The following CNNM3 variants were observed in gnomAD, a reference collection of about 807,000 sequenced individuals.
The protein encoded by CNNM3 is cyclin and CBS domain divalent metal cation transport mediator 3, also known as metal transporter CNNM3.
A neutral mutation model predicts 57.1 loss-of-function variants in CNNM3; 47 were observed. The ratio of observed to expected loss-of-function variants is 0.82; its 90% confidence interval spans 0.65 to 1.05. CNNM3 has a LOEUF of 1.05. CNNM3 is among the 50% of genes least tolerant of loss of function. The probability of loss-of-function intolerance (pLI) is 0.00; values close to 1 mark genes in which losing one functional copy is unlikely to be tolerated. For synonymous variants in CNNM3, 507 were observed against 478.2 expected, an observed-to-expected ratio of 1.06 and a Z score of -0.79; for missense variants, 957 against 973.7, an observed-to-expected ratio of 0.98 and a Z score of 0.23.
chr2:96,832,081 C>T (rs2079612866), intron 7 of CNNM3: 2 of 993,098 alleles, frequency 2.0e-6, no homozygotes, highest in South Asian at 4.5e-5. Flanking sequence ...AAATATCTTC[C>T]CTCTCCCTGC....
intron 1 of CNNM3, chr2:96,824,648 C>T (rs1469239698): frequency 5.1e-6 from 1 of 196,328 alleles, no homozygotes; most frequent in Non-Finnish European, 1.1e-5. Flanking sequence ...CGCAGGAGAG[C>T]CTGTGTTTCC....
At position 96,828,525 on chromosome 2, in the gene CNNM3, T is replaced by A. The variant is rs926796639; in HGVS notation, c.1787-42T>A. On this transcript the variant is annotated intron_variant, in intron 5 of 7. Coordinates refer to ENST00000305510, the MANE Select transcript of CNNM3 (RefSeq NM_017623.5). ...CCCACCAGGGGAGGAGGCTCCCAGC[T>A]GCCAGCATGGCTCCTGCCATCACTG... 9.9e-6 allele frequency: 16 copies of A among 1,612,736 alleles called. No individual in the cohort carries two copies. In the African/African-American group the frequency reaches 2.0e-4, roughly 20 times the overall value.
Position 96,833,150 on chromosome 2 carries a change from A to G in CNNM3, c.*534A>G. The G allele has an allele frequency of 1.7e-6, 1 of 580,442 alleles. No homozygotes were observed. The highest frequency in any genetic ancestry group is 1.7e-5 in the South Asian group (1 of 57,938). The allele number at this position is 580,442 out of a possible 1,614,324, so 36.0% of individuals were successfully genotyped here. ...CCTTTCTGGCTTCCCTGATGGTGTCATGTTTCAGCGCATGCGCCCCAGCCT... is the reference window on the plus strand; with the variant it reads ...CCTTTCTGGCTTCCCTGATGGTGTCGTGTTTCAGCGCATGCGCCCCAGCCT... On this transcript the variant is annotated 3_prime_UTR_variant, in exon 8 of 8. Transcript: ENST00000305510.
rs2079645188 is a variant in CNNM3, at chr2:96,833,789, C to T, written c.*1173C>T. 2.0e-5 allele frequency: 3 copies of T among 152,174 alleles called. No homozygotes were observed. Among genetic ancestry groups the T allele is most frequent in the Admixed American group, 6.5e-5 (1 of 15,270 alleles). The allele number at this position is 152,174 out of a possible 1,614,324, so 9.4% of individuals were successfully genotyped here. A position where few individuals can be genotyped will look rare whatever the true frequency, so the allele number is the denominator to read the frequency against. ...AACTTTTCTCAAAGGAATTTGGACC[C>T]TTATAAATGGGACTGAAGGTCAAAA... On this transcript the variant is annotated 3_prime_UTR_variant, in exon 8 of 8. Transcript: ENST00000305510.
chr2:96,827,189 C>G (rs561758682), intron 3 of CNNM3, among the ~76,000 whole-genome samples: 2 of 152,268 alleles, frequency 1.3e-5, no homozygotes, highest in African/African-American at 4.8e-5. Flanking sequence ...AGGGCCAGGC[C>G]AGTGCCACGC....
intron 1 of CNNM3, among the ~76,000 whole-genome samples, chr2:96,822,214 A>G (rs1324760382): frequency 6.6e-6 from 1 of 152,074 alleles, no homozygotes; most frequent in Admixed American, 6.5e-5. Flanking sequence ...AATGTTGGCC[A>G]GGATAGTTTC....
At chr2:96,821,633 A>G (rs1159540830) in intron 1 of CNNM3, among the ~76,000 whole-genome samples, 2 of 151,130 alleles carry the variant, frequency 1.3e-5, no homozygotes, top group African/African-American at 5.0e-5. Flanking sequence ...TTGACTTACA[A>G]ATGGAGTTAT....
chr2:96,824,981 G>C, intron 1 of CNNM3, 77 bp from the exon 2 acceptor site: 1 of 1,543,762 alleles, frequency 6.5e-7, no homozygotes, highest in Non-Finnish European at 8.9e-7. Flanking sequence ...TGTCCTTTTG[G>C]TGGGCCTATA....
At chr2:96,835,793 C>T (rs142882750), downstream of CNNM3, among the ~76,000 whole-genome samples, 305 of 152,226 alleles carry the variant, frequency 2.0e-3, 2 homozygotes, top group African/African-American at 7.0e-3. Context: ...ATGTCCTCAC[C>T]GGCAACCTAG....
Position 96,832,884 on chromosome 2 carries a change from C to T in CNNM3, c.*268C>T, listed in dbSNP as rs919475936. 6.1e-6 allele frequency: 9 copies of T among 1,481,974 alleles called. No homozygotes were observed. Among genetic ancestry groups the T allele is most frequent in the Admixed American group, 2.0e-5 (1 of 49,140 alleles). 91.8% of individuals were successfully genotyped at this position (1,481,974 alleles called of 1,614,324 possible). The stretch of plus-strand genomic sequence containing the variant: ...GAAGGAATGAAAGGAATGCCATCAT[C>T]TCTAGTTCCCAGGGCCCAGCCTTCC... On this transcript the variant is annotated 3_prime_UTR_variant, in exon 8 of 8. Transcript: ENST00000305510.
At chr2:96,832,287 G>A in intron 7 of CNNM3, 1 of 985,382 alleles carries the variant, frequency 1.0e-6, no homozygotes, top group Non-Finnish European at 1.2e-6. Flanking sequence ...TATCGTCCCG[G>A]GAAGGTGCCT....
intron 1 of CNNM3, among the ~76,000 whole-genome samples, chr2:96,822,510 A>AT (rs1559009144): frequency 6.6e-6 from 1 of 151,984 alleles, no homozygotes; most frequent in Non-Finnish European, 1.5e-5. Flanking sequence ...GGGTCTCCCT[A>AT]TGTTGCCCAG....
Position 96,816,529 on chromosome 2 carries a change from G to A in CNNM3, c.252G>A (p.Ala84=). 7.3e-7 allele frequency: 1 copy of A among 1,365,508 alleles called. No homozygotes were observed. Among genetic ancestry groups the A allele is most frequent in the Non-Finnish European group, 9.4e-7 (1 of 1,059,260 alleles). The allele number at this position is 1,365,508 out of a possible 1,614,324, so 84.6% of individuals were successfully genotyped here. ...SSWSWVAPEG[A]GCREEAASPA... is the part of the protein sequence containing the mutation. The stretch of plus-strand genomic sequence containing the variant: ...GGTCCTGGGTGGCCCCGGAGGGGGC[G>A]GGCTGCCGGGAGGAGGCGGCCTCCC... The change falls in exon 1 of 8, where the codon GCG becomes GCA. Residue 84 remains alanine, a synonymous_variant. Transcript: ENST00000305510.
chr2:96,830,871 T>C (rs2079590508), intron 7 of CNNM3, among the ~76,000 whole-genome samples: 1 of 152,210 alleles, frequency 6.6e-6, no homozygotes, highest in African/African-American at 2.4e-5. Context: ...TTTCTTATTG[T>C]ATGGGGTGCC....
rs1286452262 is a variant in CNNM3 at position 96,827,813 on chromosome 2, G to A, written c.1602G>A (p.Val534=). The part of the protein sequence containing the change: ...LLKHPSVNQE[V]RFDESNRLAT... ...AGCATCCCAGTGTCAACCAGGAAGT[G>A]AGGTTTGACGAGAGCAACCGGCTGG... Residue 534 remains valine, a synonymous_variant, in exon 4 of 8, where the codon GTG becomes GTA. Coordinates refer to ENST00000305510, the MANE Select transcript of CNNM3 (RefSeq NM_017623.5). 2 of 1,614,220 alleles carry A rather than the reference G, an allele frequency of 1.2e-6. No individual in the cohort carries two copies. The highest frequency in any genetic ancestry group is 2.2e-5 in the East Asian group (1 of 44,874).
At chr2:96,827,457 G>A (rs1244877303) in intron 3 of CNNM3, among the ~76,000 whole-genome samples, 6 of 151,994 alleles carry the variant, frequency 3.9e-5, no homozygotes, top group Admixed American at 6.6e-5. Flanking sequence ...TAGTAGAGGC[G>A]GGGTTTTGCC....
Position 96,834,883 on chromosome 2 carries a change from A to G in CNNM3, c.*2267A>G, listed in dbSNP as rs979381791. Among the ~76,000 whole-genome samples the G allele has an allele frequency of 2.6e-5, 4 of 152,222 alleles. No individual in the cohort carries two copies. The highest frequency in any genetic ancestry group is 9.6e-5 in the African/African-American group (4 of 41,452). On this transcript the variant is annotated 3_prime_UTR_variant, in exon 8 of 8. Transcript: ENST00000305510. The stretch of plus-strand genomic sequence containing the variant: ...TAACTTTATATTTTGAAATAATTTC[A>G]GATGATAGGAAGTTGTAAAGGTAAG...
Position 96,826,973 on chromosome 2 carries a change from C to T in CNNM3, c.1510C>T (p.Leu504=), listed in dbSNP as rs371445910. ...PQLLLATQRF[L]SREVDVFSPL... ...GCTGCTCTTGGCCACCCAGCGCTTCCTGTCCCGAGGTGAGGCGGGAGGGTG... is the reference window on the plus strand; with the variant it reads ...GCTGCTCTTGGCCACCCAGCGCTTCTTGTCCCGAGGTGAGGCGGGAGGGTG... The change falls in exon 3 of 8, where the codon CTG becomes TTG. Residue 504 remains leucine (L), a synonymous_variant. Coordinates refer to ENST00000305510, the MANE Select transcript of CNNM3 (RefSeq NM_017623.5). 5.9e-5 allele frequency: 95 copies of T among 1,614,052 alleles called. No individual in the cohort carries two copies. In the East Asian group the frequency reaches 2.0e-3, roughly 34 times the overall value.
chr2:96,822,006 T>TTATTA (rs200183758), intron 1 of CNNM3, among the ~76,000 whole-genome samples: 1 of 141,722 alleles, frequency 7.1e-6, no homozygotes, highest in African/African-American at 2.6e-5. Context: ...ATTATTATTA[T>TTATTA]TTTTTTTTTT....
Sources: allele counts gnomAD v4.1 joint callset (sites outside exome capture counted in the v4.1 genomes callset), GRCh38; gene constraint gnomAD v4.1.1; transcripts MANE v1.5; gene names NCBI Gene and HGNC (gene_info 2026-07-23, HGNC 2026-07-21).